MUC3A: variants seen among roughly 807,000 people sequenced by gnomAD.
MUC3A encodes the protein mucin-3A.
In MUC3A, 109 loss-of-function variants were observed where a neutral mutation model predicts 109.0. That is an observed-to-expected ratio of 1.00 (90% CI 0.86 to 1.17). The LOEUF is 1.17. Ranked by LOEUF, MUC3A falls within the 50% of genes most tolerant of loss-of-function variation. The pLI, the probability that MUC3A is intolerant of heterozygous loss-of-function variation, is 0.00. For synonymous variants in MUC3A, 1,398 were observed against 981.4 expected, an observed-to-expected ratio of 1.42 and a Z score of -7.93; for missense variants, 3,537 against 2,469.4, an observed-to-expected ratio of 1.43 and a Z score of -9.16.
In MUC3A at chr7:100,957,854, C is replaced by A; in HGVS notation, c.6075C>A (p.Ser2025Arg). 1 of 723,158 alleles carries A rather than the reference C, an allele frequency of 1.4e-6. No individual in the cohort carries two copies. Among genetic ancestry groups the A allele is most frequent in the Non-Finnish European group, 2.4e-6 (1 of 414,256 alleles). The allele number at this position is 723,158 out of a possible 1,614,324, so 44.8% of individuals were successfully genotyped here. Residue 2025 changes from serine (S) to arginine (R), a missense_variant, in exon 2 of 12, where the codon AGC becomes AGA. Physicochemically the swap from Ser to Arg is moderately radical, Grantham distance 110. Transcript: ENST00000379458. ...AGACCACATCCCACAATACTCCCAG[C>A]TTGACTTCTTCGATCACAACCACCG... ...TTETTSHNTP[S>R]LTSSITTTET...
At chr7:100,964,477 G>T (rs1792453971) in intron 5 of MUC3A, 1 of 693,628 alleles carries the variant, frequency 1.4e-6, no homozygotes, top group Non-Finnish European at 2.2e-6. Context: ...CACAGAGAGA[G>T]GAAGTCAATC....
At position 100,954,128 on chromosome 7, in the gene MUC3A, C is replaced by T. The variant is rs1792041719; in HGVS notation, c.2349C>T (p.Tyr783=). ...STTSFTSSTV[Y]STASTYTTAI... ...CCAGCTTCACTTCTTCAACCGTCTA[C>T]TCCACAGCCAGCACATACACAACTG... The change falls in exon 2 of 12, where the codon TAC becomes TAT. Residue 783 remains tyrosine, a synonymous_variant. Coordinates refer to ENST00000379458, the MANE Select transcript of MUC3A (RefSeq NM_005960.2). 1 of 587,476 alleles carries T rather than the reference C, an allele frequency of 1.7e-6. No individual in the cohort carries two copies. Among genetic ancestry groups the T allele is most frequent in the African/African-American group, 1.9e-5 (1 of 52,864 alleles). 36.4% of individuals were successfully genotyped at this position (587,476 alleles called of 1,614,324 possible).
Position 100,959,021 on chromosome 7 carries a change from C to A in MUC3A, c.7242C>A (p.Thr2414=). 1.3e-6 allele frequency: 2 copies of A among 1,589,250 alleles called. No homozygotes were observed. Among genetic ancestry groups the A allele is most frequent in the Non-Finnish European group, 1.7e-6 (2 of 1,174,292 alleles). ...HITPGLTSSI[T]TTETTSHSTP... Reference sequence around the variant, plus strand: ...CTCCTGGCCTCACTTCTTCAATCACCACCACTGAGACTACCTCACACAGTA... The same window carrying A: ...CTCCTGGCCTCACTTCTTCAATCACAACCACTGAGACTACCTCACACAGTA... Residue 2414 remains threonine, a synonymous_variant, in exon 2 of 12, where the codon ACC becomes ACA. Transcript: ENST00000379458.
chr7:100,965,497 G>A lies in MUC3A; in HGVS notation c.9448+150G>A, dbSNP rs1428089965. ...GCGGCCCTTCCTGGCGCTGGTTAGT[G>A]GCTTCCACCTGAGGACAGCAGGGGC... On this transcript the variant is annotated intron_variant, in intron 7 of 11. Coordinates refer to ENST00000379458, the MANE Select transcript of MUC3A (RefSeq NM_005960.2). 4.2e-6 allele frequency: 6 copies of A among 1,441,412 alleles called. No homozygotes were observed. In the African/African-American group the frequency reaches 4.2e-5, roughly 10 times the overall value. 89.3% of individuals were successfully genotyped at this position (1,441,412 alleles called of 1,614,324 possible). A position where few individuals can be genotyped will look rare whatever the true frequency, so the allele number is the denominator to read the frequency against.
In MUC3A at chr7:100,958,443, T is replaced by A. The variant is rs1792163557; in HGVS notation, c.6664T>A (p.Phe2222Ile). 1 of 1,507,594 alleles carries A rather than the reference T, an allele frequency of 6.6e-7. No individual in the cohort carries two copies. The highest frequency in any genetic ancestry group is 9.1e-7 in the Non-Finnish European group (1 of 1,098,564). The allele number at this position is 1,507,594 out of a possible 1,614,324, so 93.4% of individuals were successfully genotyped here. Residue 2222 changes from phenylalanine to isoleucine, a missense_variant, in exon 2 of 12, where the codon TTC becomes ATC. Physicochemically the swap from Phe to Ile is conservative, Grantham distance 21. Transcript: ENST00000379458. The stretch of plus-strand genomic sequence containing the variant: ...GACCCCCTCAAGCAGTACTCCCAGC[T>A]TCAGTTCTTCGATCACCACCACTGA... ...TETPSSSTPS[F>I]SSSITTTETT...
chr7:100,952,916 A>G lies in MUC3A; in HGVS notation c.1137A>G (p.Thr379=). Residue 379 remains threonine, a synonymous_variant, in exon 2 of 12, where the codon ACA becomes ACG. Coordinates refer to ENST00000379458, the MANE Select transcript of MUC3A (RefSeq NM_005960.2). ...PTSSSLPTTE[T]ATTPMTNLVT... is the part of the protein sequence containing the mutation. ...CTTCCTCTCTCCCAACCACAGAAAC[A>G]GCCACGACTCCTATGACAAACTTGG... 1 of 1,588,106 alleles carries G rather than the reference A, an allele frequency of 6.3e-7. No homozygotes were observed. Among genetic ancestry groups the G allele is most frequent in the Middle Eastern group, 1.7e-4 (1 of 6,030 alleles).
chr7:100,967,072 G>A (rs1030068195), intron 11 of MUC3A, 49 bp from the exon 12 acceptor site: 2 of 1,598,500 alleles, frequency 1.3e-6, no homozygotes, highest in Non-Finnish European at 1.7e-6. Context: ...CTCCCTGTCA[G>A]CCCAAACCAG....
chr7:100,960,205 C>G lies in MUC3A; in HGVS notation c.8426C>G (p.Thr2809Ser), dbSNP rs1792271957. Residue 2809 changes from threonine (T) to serine (S), a missense_variant, in exon 2 of 12, where the codon ACT becomes AGT. By Grantham distance (58) the Thr-to-Ser change is moderately conservative. Transcript: ENST00000379458. ...ACCCCATTAACAGTCTTTCCCTTTA[C>G]TACCGAAATGGTCACCTGTCCTACC... ...PTTPLTVFPF[T>S]TEMVTCPTSI... 6.3e-7 allele frequency: 1 copy of G among 1,594,838 alleles called. No individual in the cohort carries two copies. Among genetic ancestry groups the G allele is most frequent in the Middle Eastern group, 1.7e-4 (1 of 6,046 alleles).
intron 1 of MUC3A, 60 bp downstream of exon 1, chr7:100,949,745 G>A: frequency 6.9e-7 from 1 of 1,442,032 alleles, no homozygotes. Flanking sequence ...TTCCAGGAAA[G>A]GGGAGGGAAA....
Position 100,959,688 on chromosome 7 carries a change from T to C in MUC3A, c.7909T>C (p.Ser2637Pro), listed in dbSNP as rs1449328421. The change falls in exon 2 of 12, where the codon TCC (serine) becomes CCC (proline). Residue 2637 changes from serine (S) to proline (P), a missense_variant. By Grantham distance (74) the Ser-to-Pro change is moderately conservative. Coordinates refer to ENST00000379458, the MANE Select transcript of MUC3A (RefSeq NM_005960.2). ...GGTTCCTATTCCTAGCACACATTCC[T>C]CCACCCTTCAAACAACTCCTTCTAC... Reference protein sequence around the residue: ...SQVPIPSTHSSTLQTTPSTPS... With the variant: ...SQVPIPSTHSPTLQTTPSTPS... 2 of 1,598,544 alleles carry C rather than the reference T, an allele frequency of 1.3e-6. No individual in the cohort carries two copies.
At chr7:100,964,996 G>C (rs76969558) in intron 6 of MUC3A, 153 bp downstream of exon 6, 37 of 1,294,848 alleles carry the variant, frequency 2.9e-5, no homozygotes, top group Non-Finnish European at 3.5e-5. Flanking sequence ...CGGTGTCAAG[G>C]GTGGGGCTAG....
chr7:100,956,872 C>A lies in MUC3A; in HGVS notation c.5093C>A (p.Pro1698Gln). The A allele has an allele frequency of 2.4e-6, 1 of 413,494 alleles. No homozygotes were observed. 25.6% of individuals were successfully genotyped at this position (413,494 alleles called of 1,614,324 possible). The change falls in exon 2 of 12, where the codon CCA becomes CAA. Residue 1698 changes from proline (P) to glutamine (Q), a missense_variant. Physicochemically the swap from Pro to Gln is moderately conservative, Grantham distance 76. Transcript: ENST00000379458. Reference protein sequence around the residue: ...STLHTTAESTPSPTTTMSFTT... With the variant: ...STLHTTAESTQSPTTTMSFTT... The stretch of plus-strand genomic sequence containing the variant: ...CTCCACACAACAGCTGAATCCACCC[C>A]ATCACCTACAACCACCATGTCATTC...
In MUC3A at chr7:100,965,263, T is replaced by G. The variant is rs1473294267; in HGVS notation, c.9383-19T>G. The stretch of plus-strand genomic sequence containing the variant: ...CTTGATCTGCCCCGCCCATTCCATC[T>G]GTGCCTGTGTTTCCGCAGCCCTGTG... On this transcript the variant is annotated intron_variant, in intron 6 of 11. Coordinates refer to ENST00000379458, the MANE Select transcript of MUC3A (RefSeq NM_005960.2). 6.3e-7 allele frequency: 1 copy of G among 1,598,452 alleles called. No homozygotes were observed. The highest frequency in any genetic ancestry group is 1.1e-5 in the South Asian group (1 of 90,854).
chr7:100,964,292 A>AATC, intron 5 of MUC3A: 1 of 164,704 alleles, frequency 6.1e-6, no homozygotes, highest in Non-Finnish European at 1.3e-5. Context: ...TAGTAATAAT[A>AATC]ATAATAATAA....
At chr7:100,961,814 G>T (rs1490482435) in intron 3 of MUC3A, among the ~76,000 whole-genome samples, 3 of 152,252 alleles carry the variant, frequency 2.0e-5, no homozygotes, top group Admixed American at 1.3e-4. Flanking sequence ...GTGAGACTCT[G>T]TCTTAAAAGA....
Position 100,959,617 on chromosome 7 carries a change from C to G in MUC3A, c.7838C>G (p.Thr2613Ser). Reference sequence around the variant, plus strand: ...GATTCCTCCACGTCCACTCTTCATACTCTTACTCCATCAACAGCCTTGAGC... The same window carrying G: ...GATTCCTCCACGTCCACTCTTCATAGTCTTACTCCATCAACAGCCTTGAGC... ...STDSSTSTLH[T>S]LTPSTALSTI... Residue 2613 changes from threonine (T) to serine (S), a missense_variant, in exon 2 of 12, where the codon ACT becomes AGT. Coordinates refer to ENST00000379458, the MANE Select transcript of MUC3A (RefSeq NM_005960.2). 1.3e-6 allele frequency: 2 copies of G among 1,598,358 alleles called. No individual in the cohort carries two copies. Among genetic ancestry groups the G allele is most frequent in the Non-Finnish European group, 1.7e-6 (2 of 1,179,682 alleles).
chr7:100,959,469 A>G lies in MUC3A; in HGVS notation c.7690A>G (p.Ser2564Gly). The part of the protein sequence containing the change: ...TLRITENTPI[S>G]SFSTSIVVIP... ...CAGAATTACTGAGAACACCCCAATC[A>G]GTTCCTTTAGCACAAGTATTGTTGT... is the stretch of plus-strand genomic sequence containing the variant. Residue 2564 changes from serine (S) to glycine (G), a missense_variant, in exon 2 of 12, where the codon AGT becomes GGT. Ser to Gly is a moderately conservative substitution (Grantham distance 56). Transcript: ENST00000379458. 1 of 1,574,820 alleles carries G rather than the reference A, an allele frequency of 6.3e-7. No homozygotes were observed. The highest frequency in any genetic ancestry group is 8.5e-7 in the Non-Finnish European group (1 of 1,170,002).
intron 3 of MUC3A, among the ~76,000 whole-genome samples, chr7:100,961,848 T>A (rs1431543489): frequency 6.6e-6 from 1 of 152,310 alleles, no homozygotes; most frequent in African/African-American, 2.4e-5. Context: ...GCTGATTGTC[T>A]TATAATCCCT....
chr7:100,965,582 C>A (rs1792504572), intron 7 of MUC3A, 122 bp from the exon 8 acceptor site: 16 of 1,495,262 alleles, frequency 1.1e-5, no homozygotes, highest in Non-Finnish European at 1.3e-5. Flanking sequence ...CAGGGTCTAC[C>A]CCACAGCATC....
Sources: allele counts gnomAD v4.1 joint callset (sites outside exome capture counted in the v4.1 genomes callset), GRCh38; gene constraint gnomAD v4.1.1; transcripts MANE v1.5; gene names NCBI Gene and HGNC (gene_info 2026-07-23, HGNC 2026-07-21).